The following SLC9A9 variants were observed in gnomAD, a reference collection of about 807,000 sequenced individuals.
The protein encoded by SLC9A9 is sodium/hydrogen exchanger 9.
SLC9A9 carries 62 observed loss-of-function variants against 77.8 expected under a neutral mutation model. The ratio of observed to expected loss-of-function variants is 0.80; its 90% CI spans 0.65 to 0.98. The LOEUF (loss-of-function observed/expected upper bound fraction) is 0.98. SLC9A9 is among the 50% of genes least tolerant of loss of function. The pLI is 0.00. For synonymous variants in SLC9A9, 320 were observed against 283.5 expected (o/e 1.13, Z -1.29); for missense variants, 775 against 774.9 (o/e 1.00, Z 0.00).
intron 4 of SLC9A9, among the ~76,000 whole-genome samples, chr3:143,748,152 T>C (rs974861189): frequency 1.1e-4 from 17 of 152,240 alleles, no homozygotes; most frequent in African/African-American, 3.6e-4. Context: ...AACACATATT[T>C]GTCAAGACAG....
intron 6 of SLC9A9, among the ~76,000 whole-genome samples, chr3:143,648,976 A>G (rs1319352304): frequency 2.6e-5 from 4 of 152,190 alleles, no homozygotes; most frequent in Non-Finnish European, 4.4e-5. Flanking sequence ...TCCTTGACTA[A>G]GCCATTTCTA....
chr3:143,722,820 G>C (rs1174475195), intron 4 of SLC9A9, among the ~76,000 whole-genome samples: 1 of 152,144 alleles, frequency 6.6e-6, no homozygotes, highest in South Asian at 2.1e-4. Flanking sequence ...TCTACATAAA[G>C]CTCAATTATT....
At chr3:143,807,860 G>A (rs1185677076) in intron 2 of SLC9A9, among the ~76,000 whole-genome samples, 1 of 152,266 alleles carries the variant, frequency 6.6e-6, no homozygotes, top group African/African-American at 2.4e-5. Context: ...GGTTGAAGAA[G>A]ACCCAGGTGG....
At chr3:143,432,714 G>A (rs1038084611) in intron 12 of SLC9A9, among the ~76,000 whole-genome samples, 6 of 152,082 alleles carry the variant, frequency 3.9e-5, no homozygotes, top group South Asian at 2.1e-4. Flanking sequence ...TGCAACCTCC[G>A]CCTCCCAGGT....
At chr3:143,717,301 T>G (rs149830282) in intron 4 of SLC9A9, among the ~76,000 whole-genome samples, 164 of 152,340 alleles carry the variant, frequency 1.1e-3, no homozygotes, top group African/African-American at 3.7e-3. Context: ...CTAGATGTTT[T>G]GTGTCAAGGT....
At chr3:143,559,794 C>T (rs1156634332) in intron 8 of SLC9A9, among the ~76,000 whole-genome samples, 1 of 152,096 alleles carries the variant, frequency 6.6e-6, no homozygotes, top group Non-Finnish European at 1.5e-5. Flanking sequence ...AAGAGAAACT[C>T]CAAAAGTCTT....
intron 9 of SLC9A9, among the ~76,000 whole-genome samples, chr3:143,523,658 T>C (rs2108615444): frequency 6.6e-6 from 1 of 152,294 alleles, no homozygotes; most frequent in African/African-American, 2.4e-5. Context: ...AAACTTGTTA[T>C]ATACTTCCCT....
chr3:143,839,499 C>T (rs1464902618), intron 1 of SLC9A9, among the ~76,000 whole-genome samples: 1 of 14,674 alleles, frequency 6.8e-5, no homozygotes, highest in Admixed American at 8.5e-4. Flanking sequence ...AAACAACACA[C>T]ATACACACAC....
intron 9 of SLC9A9, chr3:143,504,244 T>C (rs2035973468): frequency 3.7e-6 from 1 of 268,480 alleles, no homozygotes; most frequent in Non-Finnish European, 7.3e-6. Context: ...TACAGCCAAA[T>C]TCATTTACTC....
At chr3:143,388,369 G>C (rs1559893584) in intron 12 of SLC9A9, among the ~76,000 whole-genome samples, 1 of 152,144 alleles carries the variant, frequency 6.6e-6, no homozygotes, top group Non-Finnish European at 1.5e-5. Context: ...ATTTAAGTGT[G>C]GCACAGTAGT....
At chr3:143,522,847 T>A (rs996679788) in intron 9 of SLC9A9, among the ~76,000 whole-genome samples, 2 of 152,094 alleles carry the variant, frequency 1.3e-5, no homozygotes, top group South Asian at 4.1e-4. Context: ...ATGCTAAAAA[T>A]TCCAATAAAA....
intron 9 of SLC9A9, among the ~76,000 whole-genome samples, chr3:143,540,705 G>A (rs1039135512): frequency 2.0e-5 from 3 of 152,116 alleles, no homozygotes; most frequent in Non-Finnish European, 4.4e-5. Context: ...TAAAAACAAC[G>A]AGTTGTGATG....
chr3:143,483,810 C>T (rs927070085), intron 11 of SLC9A9, among the ~76,000 whole-genome samples: 38 of 152,122 alleles, frequency 2.5e-4, no homozygotes, highest in African/African-American at 8.4e-4. Flanking sequence ...CTGACCAAGA[C>T]AGAAATTTTA....
intron 8 of SLC9A9, among the ~76,000 whole-genome samples, chr3:143,554,605 A>G (rs1333053198): frequency 2.0e-5 from 3 of 152,152 alleles, no homozygotes; most frequent in Admixed American, 6.6e-5. Flanking sequence ...CGCTTCTTTA[A>G]AAACTAGTCA....
intron 11 of SLC9A9, among the ~76,000 whole-genome samples, chr3:143,491,832 T>C (rs1320422735): frequency 2.0e-5 from 3 of 152,242 alleles, no homozygotes; most frequent in South Asian, 4.1e-4. Context: ...AAGTTACTGA[T>C]GTTTTGATGG....
intron 6 of SLC9A9, among the ~76,000 whole-genome samples, chr3:143,616,059 A>G (rs1348588701): frequency 6.6e-6 from 1 of 151,594 alleles, no homozygotes; most frequent in Non-Finnish European, 1.5e-5. Context: ...TTTTTTTGGT[A>G]TTTTTCGTAG....
At chr3:143,589,296 G>A (rs2108676591) in intron 6 of SLC9A9, among the ~76,000 whole-genome samples, 1 of 152,226 alleles carries the variant, frequency 6.6e-6, no homozygotes, top group African/African-American at 2.4e-5. Flanking sequence ...GGCTTAGATA[G>A]ATTAAGTAAC....
intron 11 of SLC9A9, among the ~76,000 whole-genome samples, chr3:143,478,094 C>G (rs1002936563): frequency 6.6e-6 from 1 of 152,242 alleles, no homozygotes; most frequent in African/African-American, 2.4e-5. Context: ...GTTTTTGACT[C>G]TCCAGTGGAA....
chr3:143,755,015 G>T (rs2006875787), intron 4 of SLC9A9, among the ~76,000 whole-genome samples: 1 of 152,164 alleles, frequency 6.6e-6, no homozygotes, highest in South Asian at 2.1e-4. Context: ...GTAATTATCA[G>T]CCTGTAATTC....
Sources: gnomAD v4.1 joint callset for allele counts (sites outside exome capture counted in the v4.1 genomes callset) on GRCh38, gnomAD v4.1.1 for gene constraint, MANE v1.5 for transcripts, NCBI Gene and HGNC (gene_info 2026-07-23, HGNC 2026-07-21) for gene names.